EIF4ENIF1: variants seen among roughly 807,000 people sequenced by gnomAD.
EIF4ENIF1 encodes the protein eukaryotic translation initiation factor 4E transporter.
Under a neutral mutation model 110.5 loss-of-function variants are expected in EIF4ENIF1, and 23 were observed. The observed-to-expected ratio is 0.21, with a 90% CI of 0.15 to 0.29. The LOEUF (loss-of-function observed/expected upper bound fraction) is 0.29, where lower values mean the gene tolerates loss of function less well. EIF4ENIF1 is among the 10% of genes least tolerant of loss of function. EIF4ENIF1 has a pLI of 1.00. For synonymous variants in EIF4ENIF1, 440 were observed against 437.0 expected, an observed-to-expected ratio of 1.01 and a Z score of -0.09; for missense variants, 1,031 against 1,221.1, an observed-to-expected ratio of 0.84 and a Z score of 2.32.
downstream of EIF4ENIF1, among the ~76,000 whole-genome samples, chr22:31,438,971 C>G (rs2145878990): frequency 6.6e-6 from 1 of 152,344 alleles, no homozygotes; most frequent in Middle Eastern, 3.4e-3. Flanking sequence ...TCGCCTGCCT[C>G]TGCCTCCCAG....
In EIF4ENIF1 at chr22:31,454,141, T is replaced by C. The variant is rs774461171; in HGVS notation, c.1512+3A>G. The C allele has an allele frequency of 6.2e-7, 1 of 1,613,856 alleles. No homozygotes were observed. Among genetic ancestry groups the C allele is most frequent in the Non-Finnish European group, 8.5e-7 (1 of 1,179,736 alleles). ...GGGTGGGGGGTTTGTGTCAGATACT[T>C]ACGCTGACTTTGGGCTGAGAAGGCA... On this transcript the variant is annotated splice_donor_region_variant and intron_variant, in intron 10 of 18. Transcript: ENST00000330125.
At chr22:31,471,694 T>G (rs2051385456) in intron 3 of EIF4ENIF1, 150 bp downstream of exon 3, 1 of 700,024 alleles carries the variant, frequency 1.4e-6, no homozygotes. Flanking sequence ...TCCTAGGTAG[T>G]TGAAACCCAT....
Position 31,463,037 on chromosome 22 carries a change from T to G in EIF4ENIF1, c.682A>C (p.Ser228Arg). Reference sequence around the variant, plus strand: ...GTCAGTTCGATGGTTTCAGACTGACTTGTGGGTCCAGCAGAGAACCACTCT... The same window carrying G: ...GTCAGTTCGATGGTTTCAGACTGACGTGTGGGTCCAGCAGAGAACCACTCT... ...EPEWFSAGPTSQSETIELTGF... is the reference protein window; with the variant it reads ...EPEWFSAGPTRQSETIELTGF... The change falls in exon 6 of 19, where the codon AGT becomes CGT. Residue 228 changes from serine to arginine, a missense_variant. Coordinates refer to ENST00000330125, the MANE Select transcript of EIF4ENIF1 (RefSeq NM_019843.4). 1 of 1,614,192 alleles carries G rather than the reference T, an allele frequency of 6.2e-7. No individual in the cohort carries two copies.
At position 31,482,086 on chromosome 22, in the gene EIF4ENIF1, G is replaced by A. The variant is rs1034530699; in HGVS notation, c.96+6537C>T. ...CTCAGGAGGCTGAGGTGGAAGGATCGCATGAATGCAGAGTTCGAGGCTGCA... is the reference window on the plus strand; with the variant it reads ...CTCAGGAGGCTGAGGTGGAAGGATCACATGAATGCAGAGTTCGAGGCTGCA... On this transcript the variant is annotated intron_variant, in intron 2 of 18. Transcript: ENST00000330125. Among the ~76,000 whole-genome samples, 7 of 151,220 alleles carry A rather than the reference G, an allele frequency of 4.6e-5. No individual in the cohort carries two copies. In the South Asian group the frequency reaches 8.3e-4, roughly 18 times the overall value.
At chr22:31,443,331 C>T (rs1467119102) in intron 15 of EIF4ENIF1, 1 of 412,564 alleles carries the variant, frequency 2.4e-6, no homozygotes, top group African/African-American at 2.1e-5. Flanking sequence ...CCTATGCAGC[C>T]TCTGCGTCAC....
intron 2 of EIF4ENIF1, among the ~76,000 whole-genome samples, chr22:31,488,350 G>C (rs544162090): frequency 1.3e-5 from 2 of 152,228 alleles, no homozygotes; most frequent in African/African-American, 2.4e-5. Context: ...AGCTGTTACA[G>C]AACTTACAAA....
chr22:31,450,040 T>C (rs1258828690), intron 11 of EIF4ENIF1, among the ~76,000 whole-genome samples: 1 of 152,230 alleles, frequency 6.6e-6, no homozygotes, highest in African/African-American at 2.4e-5. Flanking sequence ...TAGATACTTT[T>C]AAGTTTCACA....
chr22:31,468,192 A>G lies in EIF4ENIF1; in HGVS notation c.281T>C (p.Leu94Pro). 1 of 1,614,132 alleles carries G rather than the reference A, an allele frequency of 6.2e-7. No individual in the cohort carries two copies. Among genetic ancestry groups the G allele is most frequent in the Non-Finnish European group, 8.5e-7 (1 of 1,179,988 alleles). Residue 94 changes from leucine to proline, a missense_variant, in exon 4 of 19, where the codon CTG becomes CCG. By Grantham distance (98) the Leu-to-Pro change is moderately conservative (BLOSUM62 -3). This residue lies in a region of EIF4ENIF1 where 704 missense variants were observed against 879.7 expected (regional missense o/e 0.80). Coordinates refer to ENST00000330125, the MANE Select transcript of EIF4ENIF1 (RefSeq NM_019843.4). ...KKELDTDRPSLVRRIVDPRER... is the reference protein window; with the variant it reads ...KKELDTDRPSPVRRIVDPRER... ...GTGCTCACCTACTATCCTGCGCACCAGGGAAGGCCGGTCTGTATCCAACTC... is the reference window on the plus strand; with the variant it reads ...GTGCTCACCTACTATCCTGCGCACCGGGGAAGGCCGGTCTGTATCCAACTC...
Position 31,455,898 on chromosome 22 carries a change from G to C in EIF4ENIF1, c.1053C>G (p.Ser351=), listed in dbSNP as rs767403942. 1.9e-6 allele frequency: 3 copies of C among 1,614,172 alleles called. No individual in the cohort carries two copies. The South Asian group carries it at 3.3e-5, about 18-fold the overall frequency. ...CATGTGGTGTTGACCCAAGACTGCTGGATCGGCTTCCTGATCTGCTCGGGT... is the reference window on the plus strand; with the variant it reads ...CATGTGGTGTTGACCCAAGACTGCTCGATCGGCTTCCTGATCTGCTCGGGT... ...FSNPSRSGSR[S]SSLGSTPHEE... The change falls in exon 8 of 19, where the codon TCC becomes TCG. Residue 351 remains serine (S), a synonymous_variant. Transcript: ENST00000330125.
In EIF4ENIF1 at chr22:31,462,953, G is replaced by A. The variant is rs567771958; in HGVS notation, c.766C>T (p.Arg256Trp). 14 of 1,613,722 alleles carry A rather than the reference G, an allele frequency of 8.7e-6. No homozygotes were observed. Among genetic ancestry groups the A allele is most frequent in the African/African-American group, 1.3e-5 (1 of 74,892 alleles). ...TGACCTTCCTTCACAGAGGCTGTCC[G>A]TCGCCTTGTTCTTTTTCTCCCTTTG... is the stretch of plus-strand genomic sequence containing the variant. Reference protein sequence around the residue: ...DHKGRKRTRRRTASVKEGIVE... With the variant: ...DHKGRKRTRRWTASVKEGIVE... Residue 256 changes from arginine (R) to tryptophan (W), a missense_variant, in exon 6 of 19, where the codon CGG (arginine) becomes TGG (tryptophan). Arg to Trp is a moderately radical substitution (Grantham distance 101). Transcript: ENST00000330125.
intron 3 of EIF4ENIF1, among the ~76,000 whole-genome samples, chr22:31,471,521 A>G (rs1169321112): frequency 3.3e-5 from 5 of 152,080 alleles, no homozygotes; most frequent in Non-Finnish European, 7.4e-5. Context: ...TCACCATGTC[A>G]GCCAGGATGG....
chr22:31,473,027 G>A (rs966585817), intron 2 of EIF4ENIF1, among the ~76,000 whole-genome samples: 1 of 149,110 alleles, frequency 6.7e-6, no homozygotes, highest in East Asian at 2.0e-4. Context: ...CTATCTCCAC[G>A]AAGCCAAGTT....
chr22:31,437,607 A>C (rs766367957), downstream of EIF4ENIF1: 1 of 152,062 alleles, frequency 6.6e-6, no homozygotes, highest in Non-Finnish European at 1.5e-5. Context: ...TGCTCTTTGC[A>C]TGGTACCTGT....
intron 2 of EIF4ENIF1, among the ~76,000 whole-genome samples, chr22:31,481,897 C>T (rs2051828703): frequency 6.6e-6 from 1 of 152,118 alleles, no homozygotes. Flanking sequence ...GGGCCAGATG[C>T]AGTGGCTCAC....
intron 1 of EIF4ENIF1, 21 bp from the exon 2 acceptor site, chr22:31,488,766 A>C: frequency 4.4e-6 from 7 of 1,580,954 alleles, no homozygotes; most frequent in Non-Finnish European, 6.0e-6. Context: ...AATCGGCACA[A>C]AATTGTCACC....
At chr22:31,450,753 CACATACATATAT>C (rs1394906653) in intron 10 of EIF4ENIF1, 48 of 265,718 alleles carry the variant, frequency 1.8e-4, no homozygotes, top group East Asian at 2.7e-4. Flanking sequence ...CATATATACA[CACATACATATAT>C]ACATACATAT....
At chr22:31,450,082 T>C (rs1334847972) in intron 11 of EIF4ENIF1, among the ~76,000 whole-genome samples, 2 of 127,612 alleles carry the variant, frequency 1.6e-5, no homozygotes, top group Non-Finnish European at 3.6e-5. Context: ...AGTCAAGGCT[T>C]ACTTTGTCAA....
At chr22:31,483,001 C>T (rs556811758) in intron 2 of EIF4ENIF1, among the ~76,000 whole-genome samples, 54 of 151,388 alleles carry the variant, frequency 3.6e-4, no homozygotes, top group African/African-American at 1.2e-3. Flanking sequence ...TCCAGCCTGG[C>T]GACAGACAGA....
chr22:31,485,437 G>GTT (rs2051981531), intron 2 of EIF4ENIF1, among the ~76,000 whole-genome samples: 1 of 152,186 alleles, frequency 6.6e-6, no homozygotes, highest in Non-Finnish European at 1.5e-5. Flanking sequence ...ACACAAAGAT[G>GTT]AAATATACAT....
Sources: gnomAD v4.1 joint callset for allele counts (sites outside exome capture counted in the v4.1 genomes callset) on GRCh38, gnomAD v4.1.1 for gene constraint, gnomAD v4.1.1 regional missense constraint, MANE v1.5 for transcripts, NCBI Gene and HGNC (gene_info 2026-07-23, HGNC 2026-07-21) for gene names.